Variants in GSG1L observed in about 807,000 individuals in gnomAD.
GSG1L encodes GSG1 like.
GSG1L carries 24 observed loss-of-function variants against 42.1 expected under a neutral mutation model. The ratio of observed to expected loss-of-function variants is 0.57; its 90% CI spans 0.41 to 0.80. The LOEUF is 0.80. GSG1L is among the 30% of genes least tolerant of loss of function. The pLI, the probability that GSG1L is intolerant of heterozygous loss-of-function variation, is 0.00. For synonymous variants in GSG1L, 215 were observed against 203.5 expected (o/e 1.06, Z -0.48); for missense variants, 445 against 472.2 (o/e 0.94, Z 0.53).
chr16:27,826,154 AG>A (rs577946721), intron 5 of GSG1L, among the ~76,000 whole-genome samples: 232 of 152,200 alleles, frequency 1.5e-3, no homozygotes, highest in Non-Finnish European at 2.2e-3. Context: ...GTAAGTAGAA[AG>A]GTCCCAAGGT....
At chr16:28,060,631 C>G (rs2086329952) in intron 1 of GSG1L, among the ~76,000 whole-genome samples, 1 of 152,122 alleles carries the variant, frequency 6.6e-6, no homozygotes, top group African/African-American at 2.4e-5. Context: ...TATTCTCTTC[C>G]GCGATCCCTT....
intron 3 of GSG1L, among the ~76,000 whole-genome samples, chr16:27,876,882 G>C (rs1010075020): frequency 3.3e-5 from 5 of 152,108 alleles, no homozygotes; most frequent in Admixed American, 2.6e-4. Flanking sequence ...TTTCTCTTTA[G>C]GTAACAAAAT....
At chr16:28,000,514 T>A (rs559263656) in intron 1 of GSG1L, among the ~76,000 whole-genome samples, 1 of 152,272 alleles carries the variant, frequency 6.6e-6, no homozygotes, top group South Asian at 2.1e-4. Context: ...CCTGCCAGAA[T>A]CCATTTATTT....
intron 1 of GSG1L, among the ~76,000 whole-genome samples, chr16:27,969,124 T>TATAA (rs2085164518): frequency 2.0e-5 from 3 of 151,958 alleles, no homozygotes; most frequent in Non-Finnish European, 4.4e-5. Context: ...AAATAAATAA[T>TATAA]ATAAATAAAT....
intron 6 of GSG1L, among the ~76,000 whole-genome samples, chr16:27,794,970 C>T (rs1438230275): frequency 1.3e-5 from 2 of 152,030 alleles, no homozygotes; most frequent in Non-Finnish European, 2.9e-5. Context: ...AAAATGGAGG[C>T]TTTGCTCCTT....
At chr16:27,868,803 C>T (rs1405185193) in intron 3 of GSG1L, among the ~76,000 whole-genome samples, 1 of 152,080 alleles carries the variant, frequency 6.6e-6, no homozygotes, top group Non-Finnish European at 1.5e-5. Context: ...GTGGTGCCAT[C>T]GTCTGCCCGT....
chr16:27,917,485 C>G (rs886721760), intron 2 of GSG1L, among the ~76,000 whole-genome samples: 2 of 151,980 alleles, frequency 1.3e-5, no homozygotes, highest in African/African-American at 2.4e-5. Context: ...TAGAGAGGAA[C>G]AGAATAAGCA....
intron 5 of GSG1L, among the ~76,000 whole-genome samples, chr16:27,821,495 C>T (rs1373093584): frequency 1.3e-5 from 2 of 152,114 alleles, no homozygotes; most frequent in African/African-American, 4.8e-5. Flanking sequence ...CATGTGTACC[C>T]AGTGATTAGC....
chr16:27,888,001 G>A, intron 2 of GSG1L: 1 of 656,618 alleles, frequency 1.5e-6, no homozygotes, highest in South Asian at 6.7e-5. Context: ...AGAGAGCGCT[G>A]AGCCTGCAGG....
At chr16:27,912,061 G>C (rs2216660) in intron 2 of GSG1L, among the ~76,000 whole-genome samples, 3 of 152,226 alleles carry the variant, frequency 2.0e-5, no homozygotes, top group East Asian at 1.9e-4. Context: ...CAAGCTATAA[G>C]GACACTGACC....
In GSG1L at chr16:27,807,401, G is replaced by A; in HGVS notation, c.898+86C>T. On this transcript the variant is annotated intron_variant, in intron 6 of 6. Transcript: ENST00000447459. Reference sequence around the variant, plus strand: ...ATGCAGGGTGCAGTGGGGGGTGGGGGCTGGCCTGACTCTTCTCCAGGGATT... The same window carrying A: ...ATGCAGGGTGCAGTGGGGGGTGGGGACTGGCCTGACTCTTCTCCAGGGATT... 3.7e-6 allele frequency: 4 copies of A among 1,083,426 alleles called. No individual in the cohort carries two copies. The South Asian group carries it at 4.1e-5, about 11-fold the overall frequency. 67.1% of individuals were successfully genotyped at this position (1,083,426 alleles called of 1,614,324 possible). A position where few individuals can be genotyped will look rare whatever the true frequency, so the allele number is the denominator to read the frequency against.
chr16:28,029,915 G>A (rs931721024), intron 1 of GSG1L, among the ~76,000 whole-genome samples: 6 of 152,122 alleles, frequency 3.9e-5, no homozygotes, highest in African/African-American at 1.2e-4. Flanking sequence ...GTGTGTTCAC[G>A]CACGCACATG....
rs2085354465 is a variant in GSG1L, at chr16:27,984,147, A to G, written c.350-20944T>C. ...GGTCGGTGCGGGAATCCACTGTTGC[A>G]TGGCCGCAAGACACCACTTCTGTTT... On this transcript the variant is annotated intron_variant, in intron 1 of 6. Transcript: ENST00000447459. Among the ~76,000 whole-genome samples the G allele has an allele frequency of 4.6e-5, 7 of 152,134 alleles. No individual in the cohort carries two copies. In the South Asian group the frequency reaches 1.4e-3, roughly 32 times the overall value.
rs2083998679 is a variant in GSG1L at position 27,884,221 on chromosome 16, C to T, written c.550+265G>A. ...GACATCTCAAATTCATCTGCCTCTC[C>T]CTCCCACATGTGTTATGCTCCTTGA... On this transcript the variant is annotated intron_variant, in intron 3 of 6. Transcript: ENST00000447459. This position sits in a 1 kb window ranked among gnomAD's most constrained non-coding sequence, Gnocchi z 4.4. Among the ~76,000 whole-genome samples the T allele has an allele frequency of 6.6e-6, 1 of 152,220 alleles. No individual in the cohort carries two copies. Among genetic ancestry groups the T allele is most frequent in the South Asian group, 2.1e-4 (1 of 4,834 alleles).
intron 2 of GSG1L, among the ~76,000 whole-genome samples, chr16:27,898,682 C>CTCTG (rs2084220547): frequency 6.6e-6 from 1 of 151,576 alleles, no homozygotes; most frequent in Non-Finnish European, 1.5e-5. Flanking sequence ...CTTTCTCTCT[C>CTCTG]TCTCTCTCTC....
At chr16:27,955,920 G>GGAAGGAAGGAAGGAAGGAAA (rs1567533928) in intron 2 of GSG1L, among the ~76,000 whole-genome samples, 1 of 139,146 alleles carries the variant, frequency 7.2e-6, no homozygotes, top group Non-Finnish European at 1.5e-5. Flanking sequence ...AAGGAAGGAA[G>GGAAGGAAGGAAGGAAGGAAA]GAAGGAAAGA....
At chr16:27,887,044 C>T (rs2084039405) in intron 2 of GSG1L, among the ~76,000 whole-genome samples, 1 of 152,130 alleles carries the variant, frequency 6.6e-6, no homozygotes, top group Non-Finnish European at 1.5e-5. Flanking sequence ...CAACCTCCAC[C>T]TCCTGGATTC....
chr16:28,025,112 G>A (rs894006549), intron 1 of GSG1L, among the ~76,000 whole-genome samples: 3 of 152,200 alleles, frequency 2.0e-5, no homozygotes, highest in African/African-American at 7.2e-5. Context: ...TTGCAGGACT[G>A]GGAGGGATGC....
intron 4 of GSG1L, 69 bp from the exon 5 acceptor site, chr16:27,829,025 C>G (rs1363144426): frequency 6.2e-6 from 9 of 1,460,112 alleles, no homozygotes; most frequent in Non-Finnish European, 8.5e-6. Flanking sequence ...CCCACACCCA[C>G]CAAACATTCA....
Sources: allele counts gnomAD v4.1 joint callset (sites outside exome capture counted in the v4.1 genomes callset), GRCh38; gene constraint gnomAD v4.1.1; non-coding constraint Gnocchi (gnomAD v3.1); transcripts MANE v1.5; gene names NCBI Gene and HGNC (gene_info 2026-07-23, HGNC 2026-07-21).